The following IMMP2L variants were observed in gnomAD, a reference collection of about 807,000 sequenced individuals.
The protein encoded by IMMP2L is mitochondrial inner membrane protease subunit 2.
Under a neutral mutation model 19.3 loss-of-function variants are expected in IMMP2L, and 18 were observed. The observed-to-expected ratio is 0.93, with a 90% CI of 0.64 to 1.38. The LOEUF (loss-of-function observed/expected upper bound fraction) is 1.38, where lower values mean the gene tolerates loss of function less well. Among genes scored for constraint, IMMP2L ranks in the 40% most tolerant of loss-of-function variants. The pLI, the probability that IMMP2L is intolerant of heterozygous loss-of-function variation, is 0.00. For missense variants in IMMP2L, 233 were observed against 218.2 expected (o/e 1.07, Z -0.43); for synonymous variants, 76 against 73.0 (o/e 1.04, Z -0.21).
intron 5 of IMMP2L, among the ~76,000 whole-genome samples, chr7:110,779,840 T>C (rs1056444563): frequency 2.0e-5 from 3 of 151,748 alleles, no homozygotes; most frequent in African/African-American, 7.3e-5. Flanking sequence ...ACTATTGTAA[T>C]AGTAAGGAAA....
rs192444975 is a variant in IMMP2L, at chr7:111,409,833, T to C, written c.239+77405A>G. Among the ~76,000 whole-genome samples the C allele has an allele frequency of 5.7e-3, 865 of 151,640 alleles. 32 individuals are homozygous for C. Among genetic ancestry groups the C allele is most frequent in the African/African-American group, 0.019 (799 of 41,190 alleles). On this transcript the variant is annotated intron_variant, in intron 3 of 5. Transcript: ENST00000405709. The stretch of plus-strand genomic sequence containing the variant: ...AAAGCTATTTCAGATAGTGGACCAA[T>C]GGCAGAAGAGGCATGTGATTATTAA...
intron 3 of IMMP2L, among the ~76,000 whole-genome samples, chr7:111,342,802 G>C (rs566246104): frequency 1.3e-5 from 2 of 151,968 alleles, no homozygotes; most frequent in African/African-American, 2.4e-5. Context: ...TAAAATTTTT[G>C]TAGTAGTAAG....
intron 1 of IMMP2L, among the ~76,000 whole-genome samples, chr7:111,537,848 G>A (rs1422800618): frequency 1.3e-5 from 2 of 151,840 alleles, no homozygotes; most frequent in Non-Finnish European, 2.9e-5. Flanking sequence ...CTCTTTCACA[G>A]CACATCATGC....
chr7:111,020,908 T>C lies in IMMP2L; in HGVS notation c.240-57343A>G, dbSNP rs563545330. On this transcript the variant is annotated intron_variant, in intron 3 of 5. Coordinates refer to ENST00000405709, the MANE Select transcript of IMMP2L (RefSeq NM_032549.4). ...TTCAGTGACTCATATATTCAAATTG[T>C]TTTCAAAGGGATCTAAAAAAAGTGT... Among the ~76,000 whole-genome samples, 17 of 152,332 alleles carry C rather than the reference T, an allele frequency of 1.1e-4. No individual in the cohort carries two copies. The East Asian group carries it at 3.3e-3, about 29-fold the overall frequency.
At chr7:111,204,321 T>C (rs1810469011) in intron 3 of IMMP2L, among the ~76,000 whole-genome samples, 2 of 152,098 alleles carry the variant, frequency 1.3e-5, no homozygotes, top group South Asian at 4.1e-4. Context: ...CAATATGAAC[T>C]ACAAGGGCAT....
chr7:111,297,819 C>T (rs80028849), intron 3 of IMMP2L, among the ~76,000 whole-genome samples: 5 of 152,058 alleles, frequency 3.3e-5, no homozygotes, highest in Admixed American at 3.3e-4. Context: ...AAAGTGTATA[C>T]TGTATAAGTC....
chr7:111,498,396 G>T (rs562242663), intron 2 of IMMP2L, among the ~76,000 whole-genome samples: 13 of 151,984 alleles, frequency 8.6e-5, no homozygotes, highest in African/African-American at 3.1e-4. Flanking sequence ...TATAAAATAA[G>T]CCAGCTACAC....
At chr7:111,026,547 C>T (rs545164499) in intron 3 of IMMP2L, among the ~76,000 whole-genome samples, 44 of 152,150 alleles carry the variant, frequency 2.9e-4, no homozygotes, top group African/African-American at 9.6e-4. Flanking sequence ...CAATTATGGG[C>T]GACTTTCCAT....
chr7:111,114,951 C>T (rs894950704), intron 3 of IMMP2L, among the ~76,000 whole-genome samples: 6 of 152,056 alleles, frequency 3.9e-5, no homozygotes, highest in African/African-American at 1.2e-4. Context: ...GGTAATTTTA[C>T]AGACAGGCAT....
intron 5 of IMMP2L, among the ~76,000 whole-genome samples, chr7:110,853,336 T>A (rs1284413419): frequency 4.6e-5 from 7 of 152,064 alleles, no homozygotes; most frequent in Non-Finnish European, 8.8e-5. Flanking sequence ...AAAAAAAACC[T>A]TAGCTTTTGT....
rs573158816 is a variant in IMMP2L at position 110,868,943 on chromosome 7, G to C, written c.408+17650C>G. Among the ~76,000 whole-genome samples the C allele has an allele frequency of 2.4e-4, 36 of 150,860 alleles. 1 individual carries two copies. The highest frequency in any genetic ancestry group is 8.8e-4 in the African/African-American group (36 of 41,066). Reference sequence around the variant, plus strand: ...GAAAAAAATTAAAACAAAAAAAAAAGAGGGAGACTCCAATTATTTTAATAT... The same window carrying C: ...GAAAAAAATTAAAACAAAAAAAAAACAGGGAGACTCCAATTATTTTAATAT... On this transcript the variant is annotated intron_variant, in intron 5 of 5. Transcript: ENST00000405709.
At chr7:111,101,799 T>C (rs912838229) in intron 3 of IMMP2L, among the ~76,000 whole-genome samples, 6 of 151,402 alleles carry the variant, frequency 4.0e-5, no homozygotes, top group African/African-American at 1.5e-4. Context: ...TGTAATAATG[T>C]AAGGCTGTGG....
At chr7:110,750,283 C>A (rs909345045) in intron 5 of IMMP2L, among the ~76,000 whole-genome samples, 1 of 152,038 alleles carries the variant, frequency 6.6e-6, no homozygotes, top group African/African-American at 2.4e-5. Context: ...AAAGCAAGGT[C>A]ACTGCATTAT....
At chr7:111,396,226 C>T (rs1186751230) in intron 3 of IMMP2L, among the ~76,000 whole-genome samples, 1 of 152,092 alleles carries the variant, frequency 6.6e-6, no homozygotes, top group Admixed American at 6.6e-5. Context: ...TACTGCAGCA[C>T]TATTTACAAT....
rs562085820 is a variant in IMMP2L at position 110,703,204 on chromosome 7, T to C, written c.409-39483A>G. Among the ~76,000 whole-genome samples, 18 of 152,292 alleles carry C rather than the reference T, an allele frequency of 1.2e-4. 2 individuals are homozygous for C. In the South Asian group the frequency reaches 2.3e-3, roughly 19 times the overall value. On this transcript the variant is annotated intron_variant, in intron 5 of 5. Transcript: ENST00000405709. ...GCATCAGTTGAAATTATCTTATGGT[T>C]TTGCTTTCTCATTATGTTAATATAA...
intron 3 of IMMP2L, among the ~76,000 whole-genome samples, chr7:110,994,475 G>A (rs1822829277): frequency 1.3e-5 from 2 of 152,224 alleles, no homozygotes; most frequent in African/African-American, 4.8e-5. Context: ...GAACCCACAC[G>A]TAGCACTTCT....
chr7:110,805,854 G>A (rs1801594837), intron 5 of IMMP2L, among the ~76,000 whole-genome samples: 1 of 151,642 alleles, frequency 6.6e-6, no homozygotes, highest in South Asian at 2.1e-4. Context: ...CTAATGACGT[G>A]GTATAATGCT....
intron 3 of IMMP2L, among the ~76,000 whole-genome samples, chr7:111,242,404 A>AT (rs2129630017): frequency 6.6e-6 from 1 of 152,262 alleles, no homozygotes; most frequent in South Asian, 2.1e-4. Context: ...CAATAAATGA[A>AT]TCTGCCTTTC....
At chr7:110,974,238 G>A (rs1820460510) in intron 3 of IMMP2L, among the ~76,000 whole-genome samples, 1 of 152,008 alleles carries the variant, frequency 6.6e-6, no homozygotes, top group African/African-American at 2.4e-5. Context: ...GCAGAAACTT[G>A]GGGATTTCGT....
Sources: allele counts gnomAD v4.1 joint callset (sites outside exome capture counted in the v4.1 genomes callset), GRCh38; gene constraint gnomAD v4.1.1; transcripts MANE v1.5; gene names NCBI Gene and HGNC (gene_info 2026-07-23, HGNC 2026-07-21).